Variants in CKAP5 observed in about 807,000 individuals in gnomAD.
CKAP5 encodes cytoskeleton-associated protein 5.
In CKAP5, 27 loss-of-function variants were observed where a neutral mutation model predicts 232.8. The observed-to-expected ratio is 0.12, with a 90% CI of 0.09 to 0.16. The LOEUF is 0.16. Ranked by LOEUF, CKAP5 falls within the 10% of genes least tolerant of loss-of-function variation. The pLI is 1.00. For synonymous variants in CKAP5, 785 were observed against 841.1 expected (o/e 0.93, Z 1.16); for missense variants, 1,838 against 2,424.7 (o/e 0.76, Z 5.08).
chr11:46,754,769 A>G (rs2065097643), intron 36 of CKAP5, 119 bp downstream of exon 36: 2 of 770,858 alleles, frequency 2.6e-6, no homozygotes, highest in Non-Finnish European at 4.2e-6. Flanking sequence ...TATACAATGC[A>G]TGTAAAATTC....
At chr11:46,832,498 G>A (rs2134710585) in intron 1 of CKAP5, among the ~76,000 whole-genome samples, 1 of 152,254 alleles carries the variant, frequency 6.6e-6, no homozygotes, top group Admixed American at 6.5e-5. Context: ...TAGACAGATT[G>A]AGTTGTAAAC....
chr11:46,793,669 T>A (rs1051034222), intron 13 of CKAP5, among the ~76,000 whole-genome samples: 3 of 152,246 alleles, frequency 2.0e-5, no homozygotes, highest in African/African-American at 7.2e-5. Context: ...ATGCCTGTAA[T>A]TCCAGCACTT....
chr11:46,796,943 A>G lies in CKAP5; in HGVS notation c.1339-3T>C. 1.2e-6 allele frequency: 2 copies of G among 1,613,756 alleles called. No individual in the cohort carries two copies. The highest frequency in any genetic ancestry group is 1.7e-6 in the Non-Finnish European group (2 of 1,179,768). On this transcript the variant is annotated splice_region_variant and splice_polypyrimidine_tract_variant and intron_variant, in intron 11 of 43. Transcript: ENST00000529230. ...TCAGGAGCAGAATCATTGATGTGCTATAGTCCAGAAGTAAGCAAAATGATA... is the reference window on the plus strand; with the variant it reads ...TCAGGAGCAGAATCATTGATGTGCTGTAGTCCAGAAGTAAGCAAAATGATA...
At chr11:46,797,390 CA>C (rs112909367) in intron 11 of CKAP5, among the ~76,000 whole-genome samples, 6 of 137,712 alleles carry the variant, frequency 4.4e-5, no homozygotes, top group African/African-American at 1.5e-4. Flanking sequence ...ACAACAACAA[CA>C]AAAAAAAAAA....
intron 16 of CKAP5, among the ~76,000 whole-genome samples, chr11:46,785,846 G>C (rs1446440085): frequency 6.6e-6 from 1 of 152,156 alleles, no homozygotes; most frequent in Admixed American, 6.5e-5. Flanking sequence ...TTGGGAGGCT[G>C]AGGTGGGAGG....
intron 38 of CKAP5, among the ~76,000 whole-genome samples, chr11:46,752,217 C>CACACACACAT (rs1555160689): frequency 2.2e-4 from 27 of 123,874 alleles, no homozygotes; most frequent in African/African-American, 6.8e-4. Flanking sequence ...CACACACACA[C>CACACACACAT]ACACACACAC....
At chr11:46,805,347 T>TA (rs1939129577) in intron 8 of CKAP5, among the ~76,000 whole-genome samples, 1 of 152,166 alleles carries the variant, frequency 6.6e-6, no homozygotes, top group Non-Finnish European at 1.5e-5. Context: ...AGTTTAAAAA[T>TA]AATTTCAGGA....
intron 13 of CKAP5, among the ~76,000 whole-genome samples, chr11:46,792,338 AGG>A (rs1350514217): frequency 6.6e-6 from 1 of 152,118 alleles, no homozygotes; most frequent in Admixed American, 6.6e-5. Context: ...AGATAATTTG[AGG>A]TCAGGAGTTT....
Position 46,796,947 on chromosome 11 carries a change from T to G in CKAP5, c.1339-7A>C. 1 of 1,613,452 alleles carries G rather than the reference T, an allele frequency of 6.2e-7. No homozygotes were observed. Among genetic ancestry groups the G allele is most frequent in the Non-Finnish European group, 8.5e-7 (1 of 1,179,702 alleles). Reference sequence around the variant, plus strand: ...GAGCAGAATCATTGATGTGCTATAGTCCAGAAGTAAGCAAAATGATATTAA... The same window carrying G: ...GAGCAGAATCATTGATGTGCTATAGGCCAGAAGTAAGCAAAATGATATTAA... On this transcript the variant is annotated splice_region_variant and splice_polypyrimidine_tract_variant and intron_variant, in intron 11 of 43. Coordinates refer to ENST00000529230, the MANE Select transcript of CKAP5 (RefSeq NM_001008938.4).
At chr11:46,811,714 T>G (rs1939278136) in intron 4 of CKAP5, among the ~76,000 whole-genome samples, 1 of 152,074 alleles carries the variant, frequency 6.6e-6, no homozygotes, top group South Asian at 2.1e-4. Context: ...TGACTTCAGG[T>G]GATCCACCCG....
intron 16 of CKAP5, 111 bp downstream of exon 16, chr11:46,788,569 CG>C: frequency 1.5e-6 from 1 of 652,342 alleles, no homozygotes; most frequent in Non-Finnish European, 2.6e-6. Context: ...AGCGAAACTC[CG>C]TCTCAAAAAA....
In CKAP5 at chr11:46,750,564, A is replaced by C; in HGVS notation, c.5508T>G (p.Ile1836Met). Residue 1836 changes from isoleucine to methionine, a missense_variant, in exon 41 of 44, where the codon ATT becomes ATG. Around this residue, in one of 6 missense-constraint regions of CKAP5, gnomAD observed 579 missense variants for 843.2 expected, o/e 0.69. Coordinates refer to ENST00000529230, the MANE Select transcript of CKAP5 (RefSeq NM_001008938.4). ...KAKVNDFLAE[I>M]FKKIGSKENT... ...TTTCTTTAGAGCCAATCTTCTTAAA[A>C]ATCTCAGCTAAGAAATCATTCACTT... 6.2e-7 allele frequency: 1 copy of C among 1,613,992 alleles called. No individual in the cohort carries two copies. Among genetic ancestry groups the C allele is most frequent in the Non-Finnish European group, 8.5e-7 (1 of 1,179,978 alleles).
intron 24 of CKAP5, 75 bp downstream of exon 24, chr11:46,776,180 A>C (rs2065289492): frequency 6.3e-6 from 8 of 1,268,634 alleles, no homozygotes; most frequent in African/African-American, 1.5e-5. Context: ...ATAAATGCGT[A>C]TTTATCAGAC....
In CKAP5 at chr11:46,751,469, A is replaced by G. The variant is rs2065064035; in HGVS notation, c.5199T>C (p.Leu1733=). 1 of 1,614,126 alleles carries G rather than the reference A, an allele frequency of 6.2e-7. No homozygotes were observed. The highest frequency in any genetic ancestry group is 8.5e-7 in the Non-Finnish European group (1 of 1,180,000). Residue 1733 remains leucine (L), a synonymous_variant, in exon 39 of 44, where the codon CTT becomes CTC. Coordinates refer to ENST00000529230, the MANE Select transcript of CKAP5 (RefSeq NM_001008938.4). ...CCTTCATGAAAATGTGGATATCCAG[A>G]AGAATTCTGTCTAGGTTAATGCTAT... ...TINSINLDRI[L]LDIHIFMKVF... is the part of the protein sequence containing the mutation.
chr11:46,778,629 G>T (rs778561750), intron 20 of CKAP5, 30 bp from the exon 21 acceptor site: 23 of 1,601,278 alleles, frequency 1.4e-5, no homozygotes, highest in Admixed American at 1.0e-4. Flanking sequence ...TAAGGCTAAT[G>T]AAATTTATAT....
At chr11:46,792,231 C>G (rs1332287113) in intron 13 of CKAP5, among the ~76,000 whole-genome samples, 11 of 151,970 alleles carry the variant, frequency 7.2e-5, no homozygotes, top group Admixed American at 7.2e-4. Context: ...TTGTTGTTAA[C>G]AGACATCAAT....
At chr11:46,814,682 T>C (rs1939357733) in intron 4 of CKAP5, among the ~76,000 whole-genome samples, 1 of 152,180 alleles carries the variant, frequency 6.6e-6, no homozygotes, top group Non-Finnish European at 1.5e-5. Flanking sequence ...CCATAGCAAA[T>C]TACATCCACT....
At chr11:46,745,630 C>T (rs1357649320) in intron 42 of CKAP5, among the ~76,000 whole-genome samples, 1 of 152,150 alleles carries the variant, frequency 6.6e-6, no homozygotes, top group African/African-American at 2.4e-5. Flanking sequence ...CCTAAGAGGT[C>T]TTTTTCATTA....
At chr11:46,789,874 A>G (rs1460610797) in intron 15 of CKAP5, among the ~76,000 whole-genome samples, 1 of 152,240 alleles carries the variant, frequency 6.6e-6, no homozygotes, top group Non-Finnish European at 1.5e-5. Flanking sequence ...ATGAGCTTAT[A>G]AAGGCCATAG....
Sources: allele counts gnomAD v4.1 joint callset (sites outside exome capture counted in the v4.1 genomes callset), GRCh38; gene constraint gnomAD v4.1.1; regional missense constraint gnomAD v4.1.1; transcripts MANE v1.5; gene names NCBI Gene and HGNC (gene_info 2026-07-23, HGNC 2026-07-21).